The following IL17RC variants were observed in gnomAD, a reference collection of about 807,000 sequenced individuals.
The protein encoded by IL17RC is interleukin 17 receptor C.
In IL17RC, 53 loss-of-function variants were observed where a neutral mutation model predicts 86.7. The ratio of observed to expected loss-of-function variants is 0.61; its 90% CI spans 0.49 to 0.77. IL17RC has a LOEUF of 0.77. IL17RC is among the 30% of genes least tolerant of loss of function. The probability of loss-of-function intolerance (pLI) is 0.00; values close to 1 mark genes in which losing one functional copy is unlikely to be tolerated. For synonymous variants in IL17RC, 439 were observed against 413.1 expected, an observed-to-expected ratio of 1.06 and a Z score of -0.76; for missense variants, 957 against 940.0, an observed-to-expected ratio of 1.02 and a Z score of -0.24.
chr3:9,924,058 G>A (rs2083835567), intron 8 of IL17RC, 38 bp downstream of exon 8: 1 of 1,611,924 alleles, frequency 6.2e-7, no homozygotes, highest in Non-Finnish European at 8.5e-7. Context: ...TCCCACTGTA[G>A]GCCGATGCCT....
intron 9 of IL17RC, among the ~76,000 whole-genome samples, chr3:9,927,175 T>C (rs923787290): frequency 6.6e-6 from 1 of 152,254 alleles, no homozygotes; most frequent in Non-Finnish European, 1.5e-5. Context: ...TTGAAATGTC[T>C]GTTGAAAGAA....
intron 9 of IL17RC, among the ~76,000 whole-genome samples, chr3:9,926,966 A>T (rs1009773221): frequency 6.6e-6 from 1 of 152,184 alleles, no homozygotes; most frequent in Admixed American, 6.6e-5. Flanking sequence ...CTCACTGTTG[A>T]ATGAGTGAAT....
At chr3:9,919,928 T>A (rs2083407871) in intron 5 of IL17RC, among the ~76,000 whole-genome samples, 1 of 151,970 alleles carries the variant, frequency 6.6e-6, no homozygotes, top group South Asian at 2.1e-4. Context: ...TACCATGGTG[T>A]AAGTACCATG....
chr3:9,919,913 ATACTTACCATGGT>A (rs1270299680), intron 5 of IL17RC, among the ~76,000 whole-genome samples: 1 of 151,998 alleles, frequency 6.6e-6, no homozygotes, highest in Non-Finnish European at 1.5e-5. Flanking sequence ...ATACCATGGT[ATACTTACCATGGT>A]GTAAGTACCA....
rs147897013 is a variant in IL17RC, at chr3:9,917,618, G to A, written c.106-95G>A. The A allele has an allele frequency of 7.4e-6, 12 of 1,613,964 alleles. No individual in the cohort carries two copies. In the Admixed American group the frequency reaches 8.3e-5, roughly 11 times the overall value. ...TTTCTCTGGGAGGGTCTGGGAATAC[G>A]GAGCCCCAGAAAAAGGTAGGTGGAG... On this transcript the variant is annotated intron_variant, in intron 1 of 18. Transcript: ENST00000403601.
intron 7 of IL17RC, among the ~76,000 whole-genome samples, chr3:9,921,757 TGGG>T (rs2083580790): frequency 6.7e-6 from 1 of 150,230 alleles, no homozygotes; most frequent in Non-Finnish European, 1.5e-5. Context: ...CCCGAGTAGC[TGGG>T]ACTACAGGCA....
chr3:9,924,905 G>A (rs1334376307), intron 9 of IL17RC, among the ~76,000 whole-genome samples: 3 of 151,834 alleles, frequency 2.0e-5, no homozygotes, highest in African/African-American at 7.3e-5. Flanking sequence ...GGGCTCAAGT[G>A]ATCCTCCTGT....
chr3:9,928,725 G>A (rs781191219), intron 12 of IL17RC, 95 bp downstream of exon 12: 9 of 1,326,090 alleles, frequency 6.8e-6, no homozygotes, highest in African/African-American at 4.4e-5. Flanking sequence ...AAAGCATAGT[G>A]GTTGCCAGCT....
At chr3:9,921,083 T>TATTCATTC (rs34198416) in intron 7 of IL17RC, 114 bp downstream of exon 7, 2 of 570,144 alleles carry the variant, frequency 3.5e-6, no homozygotes, top group African/African-American at 3.9e-5. Flanking sequence ...TCACAGAACA[T>TATTCATTC]ATTCATTCAT....
At chr3:9,918,250 G>A in intron 3 of IL17RC, 85 bp from the exon 4 acceptor site, 4 of 1,392,348 alleles carry the variant, frequency 2.9e-6, no homozygotes, top group Non-Finnish European at 3.9e-6. Flanking sequence ...CCCAGCACTG[G>A]GCTTTCCAGA....
chr3:9,932,765 C>CCACA, intron 17 of IL17RC, 55 bp from the exon 18 acceptor site: 1 of 1,594,818 alleles, frequency 6.3e-7, no homozygotes. Context: ...GGGAGTTCTC[C>CCACA]GAGGGAAAGC....
Position 9,930,975 on chromosome 3 carries a change from G to C in IL17RC, c.1387+32G>C. On this transcript the variant is annotated intron_variant, in intron 16 of 18. Transcript: ENST00000403601. This position sits in a 1 kb window ranked among gnomAD's most constrained non-coding sequence, Gnocchi z 5.8. ...ATTGTAAGAACTGCCTTTCCTTTCTGTACCAGGAGTGGGGATCTTGACAGG... is the reference window on the plus strand; with the variant it reads ...ATTGTAAGAACTGCCTTTCCTTTCTCTACCAGGAGTGGGGATCTTGACAGG... 6.3e-7 allele frequency: 1 copy of C among 1,586,906 alleles called. No homozygotes were observed. Among genetic ancestry groups the C allele is most frequent in the Non-Finnish European group, 8.7e-7 (1 of 1,155,196 alleles).
intron 9 of IL17RC, 76 bp from the exon 10 acceptor site, chr3:9,928,090 G>A: frequency 7.3e-7 from 1 of 1,376,524 alleles, no homozygotes; most frequent in South Asian, 1.2e-5. Flanking sequence ...CTGAATGAGT[G>A]CATCCCCACT....
chr3:9,919,483 A>G (rs2083369368), intron 5 of IL17RC, among the ~76,000 whole-genome samples: 1 of 152,118 alleles, frequency 6.6e-6, no homozygotes, highest in African/African-American at 2.4e-5. Flanking sequence ...CCTCCACTAA[A>G]AAAATACAAA....
In IL17RC at chr3:9,929,839, C is replaced by T. The variant is rs781065674; in HGVS notation, c.1111-13C>T. ...TTTTCTTAGTGGCCCTAACCATGGT[C>T]TCTTCCCAGCAGGTGAACAGCTCGG... On this transcript the variant is annotated splice_polypyrimidine_tract_variant and intron_variant, in intron 12 of 18. Transcript: ENST00000403601. 6.2e-7 allele frequency: 1 copy of T among 1,614,072 alleles called. No homozygotes were observed. The highest frequency in any genetic ancestry group is 2.2e-5 in the East Asian group (1 of 44,886).
chr3:9,925,273 C>T (rs1472322836), intron 9 of IL17RC, among the ~76,000 whole-genome samples: 1 of 151,908 alleles, frequency 6.6e-6, no homozygotes, highest in African/African-American at 2.4e-5. Flanking sequence ...CCTGCAACCA[C>T]GCCCAGCTAA....
chr3:9,930,488 C>A lies in IL17RC; in HGVS notation c.1338+29C>A. ...AGCTGGTGGAAGAAGGGCCCCACCT[C>A]AATGCCTAGGGGCAACAGGCCTAAA... On this transcript the variant is annotated intron_variant, in intron 15 of 18. Transcript: ENST00000403601. This position sits in a 1 kb window ranked among gnomAD's most constrained non-coding sequence, Gnocchi z 5.8. 1 of 1,609,558 alleles carries A rather than the reference C, an allele frequency of 6.2e-7. No homozygotes were observed. Among genetic ancestry groups the A allele is most frequent in the East Asian group, 2.2e-5 (1 of 44,844 alleles).
At chr3:9,926,618 T>TG (rs1559308111) in intron 9 of IL17RC, among the ~76,000 whole-genome samples, 1 of 151,946 alleles carries the variant, frequency 6.6e-6, no homozygotes, top group African/African-American at 2.4e-5. Flanking sequence ...GTTTTTGTTT[T>TG]TTTTTTGTTT....
rs929069910 is a variant in IL17RC at position 9,930,235 on chromosome 3, C to T, written c.1278+86C>T. The T allele has an allele frequency of 5.1e-6, 8 of 1,578,044 alleles. No individual in the cohort carries two copies. The African/African-American group carries it at 5.4e-5, about 11-fold the overall frequency. The stretch of plus-strand genomic sequence containing the variant: ...AATTTTCACTCCATCCACCCTGTGC[C>T]GGTCTCTGGGAACATGGGGGGTGAC... On this transcript the variant is annotated intron_variant, in intron 14 of 18. Transcript: ENST00000403601. The surrounding 1 kb of genome is among the most constrained non-coding windows in gnomAD (Gnocchi z 5.8).
Sources: gnomAD v4.1 joint callset for allele counts (sites outside exome capture counted in the v4.1 genomes callset) on GRCh38, gnomAD v4.1.1 for gene constraint, Gnocchi (gnomAD v3.1) non-coding constraint, MANE v1.5 for transcripts, NCBI Gene and HGNC (gene_info 2026-07-23, HGNC 2026-07-21) for gene names.